The following ATP9A variants were observed in gnomAD, a reference collection of about 807,000 sequenced individuals.
ATP9A encodes ATPase phospholipid transporting 9A.
ATP9A carries 52 observed loss-of-function variants against 144.1 expected under a neutral mutation model. The observed-to-expected ratio is 0.36, with a 90% CI of 0.29 to 0.45. ATP9A has a LOEUF of 0.45. Among genes scored for constraint, ATP9A ranks in the 20% least tolerant of loss-of-function variants. ATP9A has a pLI of 1.00. For missense variants in ATP9A, 947 were observed against 1,392.7 expected (o/e 0.68, Z 5.09); for synonymous variants, 582 against 557.4 (o/e 1.04, Z -0.62).
chr20:51,698,733 C>A (rs555931933), intron 4 of ATP9A, among the ~76,000 whole-genome samples: 4 of 152,104 alleles, frequency 2.6e-5, no homozygotes, highest in Non-Finnish European at 5.9e-5. Context: ...CAATAACAGA[C>A]GAAAGGCACC....
chr20:51,707,921 G>A (rs2077621466), intron 4 of ATP9A, among the ~76,000 whole-genome samples: 3 of 151,920 alleles, frequency 2.0e-5, no homozygotes, highest in South Asian at 4.2e-4. Flanking sequence ...TCTAGAGTAC[G>A]GTGATGTGAT....
intron 1 of ATP9A, among the ~76,000 whole-genome samples, chr20:51,755,181 T>C (rs1298147238): frequency 6.6e-6 from 1 of 152,106 alleles, no homozygotes; most frequent in African/African-American, 2.4e-5. Flanking sequence ...CTCACGCCTG[T>C]AATCCCAGCA....
chr20:51,631,813 C>T (rs1218662277), intron 15 of ATP9A, among the ~76,000 whole-genome samples: 1 of 152,158 alleles, frequency 6.6e-6, no homozygotes. Context: ...TCTTGTACGC[C>T]ACAAAAACAA....
intron 21 of ATP9A, 121 bp from the exon 22 acceptor site, chr20:51,617,675 C>A: frequency 1.9e-6 from 2 of 1,069,866 alleles, no homozygotes; most frequent in Non-Finnish European, 1.4e-6. Context: ...TGGCCTGCCC[C>A]GTCCATTCCA....
intron 4 of ATP9A, among the ~76,000 whole-genome samples, chr20:51,702,363 T>TGTGTG: frequency 8.2e-6 from 1 of 121,658 alleles, no homozygotes; most frequent in Non-Finnish European, 1.7e-5. Context: ...GGTGTGTGTG[T>TGTGTG]TCGTGTGTGT....
intron 9 of ATP9A, among the ~76,000 whole-genome samples, chr20:51,684,314 TAAAC>T (rs1372299210): frequency 1.3e-5 from 2 of 152,212 alleles, no homozygotes; most frequent in East Asian, 3.8e-4. Flanking sequence ...TCTTATGACA[TAAAC>T]AATTCTTACA....
chr20:51,638,536 C>A (rs1306709342), intron 15 of ATP9A, among the ~76,000 whole-genome samples: 2 of 151,998 alleles, frequency 1.3e-5, no homozygotes, highest in Admixed American at 1.3e-4. Context: ...CCAGCCTCCC[C>A]ACGACGGAAA....
At chr20:51,654,974 A>G (rs970212404) in intron 14 of ATP9A, among the ~76,000 whole-genome samples, 1 of 152,210 alleles carries the variant, frequency 6.6e-6, no homozygotes, top group African/African-American at 2.4e-5. Flanking sequence ...TCACAGTGTT[A>G]GTCTACTCAA....
chr20:51,691,325 C>T (rs1457058423), intron 7 of ATP9A, among the ~76,000 whole-genome samples: 1 of 152,114 alleles, frequency 6.6e-6, no homozygotes, highest in Non-Finnish European at 1.5e-5. Flanking sequence ...AAAAATTAGC[C>T]AGGCATGGTG....
rs2077127686 is a variant in ATP9A, at chr20:51,598,256, A to G, written c.*2955T>C. 1 of 152,202 alleles carries G rather than the reference A, an allele frequency of 6.6e-6. No homozygotes were observed. Among genetic ancestry groups the G allele is most frequent in the African/African-American group, 2.4e-5 (1 of 41,448 alleles). The allele number at this position is 152,202 out of a possible 1,614,324, so 9.4% of individuals were successfully genotyped here. A position where few individuals can be genotyped will look rare whatever the true frequency, so the allele number is the denominator to read the frequency against. On this transcript the variant is annotated 3_prime_UTR_variant, in exon 28 of 28. Coordinates refer to ENST00000338821, the MANE Select transcript of ATP9A (RefSeq NM_006045.3). ...AGATCCTGCTTCCCCCTGTCACACA[A>G]CCATCATCAAAAGACATATGAACAA...
chr20:51,729,205 T>C (rs1311406658), intron 2 of ATP9A, among the ~76,000 whole-genome samples: 1 of 152,206 alleles, frequency 6.6e-6, no homozygotes, highest in Non-Finnish European at 1.5e-5. Flanking sequence ...TTCTGCTGTT[T>C]TGGTCATAAT....
At position 51,722,617 on chromosome 20, in the gene ATP9A, G is replaced by A. The variant is rs6091353; in HGVS notation, c.327+3202C>T. 2.9e-3 allele frequency among the ~76,000 whole-genome samples: 448 copies of A among 152,278 alleles called. 2 individuals carry two copies. The highest frequency in any genetic ancestry group is 9.8e-3 in the African/African-American group (409 of 41,564). On this transcript the variant is annotated intron_variant, in intron 3 of 27. Coordinates refer to ENST00000338821, the MANE Select transcript of ATP9A (RefSeq NM_006045.3). ...ATGATCAACATCACTAATGATCAGG[G>A]AAATGCAAATCGAAACCACAATGCG...
At chr20:51,697,578 C>A in intron 4 of ATP9A, 96 bp from the exon 5 acceptor site, 1 of 1,104,662 alleles carries the variant, frequency 9.1e-7, no homozygotes. Context: ...CACAATACAC[C>A]CAGAAGTACA....
chr20:51,696,126 C>T lies in ATP9A; in HGVS notation c.514G>A (p.Asp172Asn). ...TCTGATGTCCTCAGGAAGATCATGT[C>T]GGCAGGGACCCGCTGGTTCTGTGTT... ...IVEKNQRVPA[D>N]MIFLRTSEKN... is the part of the protein sequence containing the mutation. The change falls in exon 6 of 28, where the codon GAC (aspartate) becomes AAC (asparagine). Residue 172 changes from aspartate (D) to asparagine (N), a missense_variant. Transcript: ENST00000338821. 10 of 1,613,814 alleles carry T rather than the reference C, an allele frequency of 6.2e-6. No homozygotes were observed. The highest frequency in any genetic ancestry group is 1.1e-5 in the South Asian group (1 of 91,060).
At chr20:51,750,110 G>A (rs908749340) in intron 1 of ATP9A, among the ~76,000 whole-genome samples, 1 of 152,068 alleles carries the variant, frequency 6.6e-6, no homozygotes, top group African/African-American at 2.4e-5. Context: ...AGCCGAGATC[G>A]CACCACTTGC....
chr20:51,608,921 A>ATGTGTGTGTGTG (rs1491526287), intron 24 of ATP9A, among the ~76,000 whole-genome samples: 7 of 31,044 alleles, frequency 2.3e-4, no homozygotes, highest in African/African-American at 4.3e-4. Flanking sequence ...AGGAAATAAG[A>ATGTGTGTGTGTG]CGTGTGTGTG....
At chr20:51,651,472 T>A (rs985486945) in intron 14 of ATP9A, among the ~76,000 whole-genome samples, 14 of 149,084 alleles carry the variant, frequency 9.4e-5, no homozygotes, top group Non-Finnish European at 4.4e-5. Context: ...ATATGTATAT[T>A]TAAATATGCA....
chr20:51,715,781 A>G (rs2077659393), intron 3 of ATP9A, among the ~76,000 whole-genome samples: 1 of 152,112 alleles, frequency 6.6e-6, no homozygotes, highest in Non-Finnish European at 1.5e-5. Context: ...CAACCATCCA[A>G]TTTAGGAGGT....
chr20:51,734,193 A>G (rs940903576), intron 1 of ATP9A, among the ~76,000 whole-genome samples: 1 of 151,910 alleles, frequency 6.6e-6, no homozygotes, highest in African/African-American at 2.4e-5. Flanking sequence ...CATGCAGCCC[A>G]GGCTGGTCTC....
Sources: allele counts gnomAD v4.1 joint callset (sites outside exome capture counted in the v4.1 genomes callset), GRCh38; gene constraint gnomAD v4.1.1; transcripts MANE v1.5; gene names NCBI Gene and HGNC (gene_info 2026-07-23, HGNC 2026-07-21).